The following NTM variants were observed in gnomAD, a reference collection of about 807,000 sequenced individuals.
NTM encodes the protein neurotrimin, also known as IgLON family member 2.
Under a neutral mutation model 42.1 loss-of-function variants are expected in NTM, and 13 were observed. The ratio of observed to expected loss-of-function variants is 0.31; its 90% confidence interval spans 0.20 to 0.49. The LOEUF is 0.49. Among genes scored for constraint, NTM ranks in the 20% least tolerant of loss-of-function variants. NTM has a pLI of 0.99. For synonymous variants in NTM, 187 were observed against 179.2 expected (o/e 1.04, Z -0.35); for missense variants, 373 against 452.8 (o/e 0.82, Z 1.60).
intron 1 of NTM, among the ~76,000 whole-genome samples, chr11:131,665,125 A>G (rs2068811669): frequency 2.0e-5 from 3 of 152,098 alleles, no homozygotes; most frequent in South Asian, 4.1e-4. Flanking sequence ...TTAAGAAGGG[A>G]TCTCCTCTCA....
intron 4 of NTM, among the ~76,000 whole-genome samples, chr11:132,246,769 G>A (rs1273700238): frequency 6.6e-6 from 1 of 152,068 alleles, no homozygotes; most frequent in African/African-American, 2.4e-5. Flanking sequence ...TTCGTATGTC[G>A]GCCGTCCTTT....
intron 1 of NTM, among the ~76,000 whole-genome samples, chr11:131,621,056 A>G (rs1238012081): frequency 5.3e-5 from 8 of 152,220 alleles, no homozygotes; most frequent in African/African-American, 1.9e-4. Context: ...CAGAAACCTG[A>G]ATGATGTAGC....
intron 1 of NTM, among the ~76,000 whole-genome samples, chr11:131,674,145 C>T (rs184514935): frequency 7.9e-5 from 12 of 152,338 alleles, no homozygotes; most frequent in African/African-American, 2.2e-4. Context: ...CGGGCGCCCT[C>T]GCGTGGCCAT....
intron 1 of NTM, among the ~76,000 whole-genome samples, chr11:131,772,984 A>C (rs898373872): frequency 2.0e-5 from 3 of 152,228 alleles, no homozygotes; most frequent in African/African-American, 7.2e-5. Context: ...ATCATCCACA[A>C]TATGTTTGTA....
At chr11:131,479,074 G>T (rs1244103962) in intron 1 of NTM, among the ~76,000 whole-genome samples, 1 of 152,148 alleles carries the variant, frequency 6.6e-6, no homozygotes, top group Non-Finnish European at 1.5e-5. Context: ...GAGCATTCTG[G>T]CCATGATGAC....
chr11:131,455,467 A>T (rs1317090062), intron 1 of NTM: 1 of 152,198 alleles, frequency 6.6e-6, no homozygotes, highest in Non-Finnish European at 1.5e-5. Context: ...TGAATCAGTA[A>T]GTTTTATCAT....
At chr11:131,631,632 C>T (rs1485173115) in intron 1 of NTM, among the ~76,000 whole-genome samples, 1 of 152,222 alleles carries the variant, frequency 6.6e-6, no homozygotes, top group Non-Finnish European at 1.5e-5. Flanking sequence ...TTTCCATTGG[C>T]ATTCACTTTC....
intron 3 of NTM, among the ~76,000 whole-genome samples, chr11:132,156,889 G>T (rs1347290899): frequency 6.6e-6 from 1 of 152,178 alleles, no homozygotes; most frequent in African/African-American, 2.4e-5. Context: ...AGGAAGATTT[G>T]ATAGGAACAC....
intron 2 of NTM, among the ~76,000 whole-genome samples, chr11:132,087,642 C>T (rs1188416484): frequency 6.6e-6 from 1 of 152,032 alleles, no homozygotes; most frequent in Non-Finnish European, 1.5e-5. Context: ...AAAAGGGTGT[C>T]CTGTGAATTG....
intron 2 of NTM, among the ~76,000 whole-genome samples, chr11:131,995,435 G>A (rs562473083): frequency 6.6e-6 from 1 of 152,202 alleles, no homozygotes; most frequent in South Asian, 2.1e-4. Flanking sequence ...TGTGCATCTG[G>A]TTTGGTCTGG....
At chr11:131,437,466 T>C (rs1949242096) in intron 1 of NTM, among the ~76,000 whole-genome samples, 1 of 152,226 alleles carries the variant, frequency 6.6e-6, no homozygotes, top group Non-Finnish European at 1.5e-5. Flanking sequence ...ATCTGAGTGC[T>C]CCTGTGTTGG....
At chr11:131,599,304 G>GATGCCCTGTCTACCCAGTCTCCGGCAC (rs2060251442) in intron 1 of NTM, among the ~76,000 whole-genome samples, 1 of 151,836 alleles carries the variant, frequency 6.6e-6, no homozygotes, top group African/African-American at 2.4e-5. Context: ...GTCTCCGGCA[G>GATGCCCTGTCTACCCAGTCTCCGGCAC]ATGCCCTGTC....
At chr11:132,153,546 C>A (rs987305608) in intron 3 of NTM, among the ~76,000 whole-genome samples, 1 of 152,178 alleles carries the variant, frequency 6.6e-6, no homozygotes, top group South Asian at 2.1e-4. Context: ...ATATCAAGAG[C>A]AGCTGACTTG....
chr11:131,486,874 CG>C (rs1475159334), intron 1 of NTM, among the ~76,000 whole-genome samples: 1 of 152,184 alleles, frequency 6.6e-6, no homozygotes, highest in Non-Finnish European at 1.5e-5. Flanking sequence ...AGACGAATAG[CG>C]GGATGCCAGC....
At chr11:131,974,459 T>G (rs992083572) in intron 2 of NTM, among the ~76,000 whole-genome samples, 5 of 152,244 alleles carry the variant, frequency 3.3e-5, no homozygotes, top group African/African-American at 1.2e-4. Context: ...ATTTGCATAT[T>G]TATAATCTAC....
At chr11:131,872,375 C>T (rs930634298) in intron 1 of NTM, among the ~76,000 whole-genome samples, 2 of 152,204 alleles carry the variant, frequency 1.3e-5, no homozygotes, top group African/African-American at 4.8e-5. Context: ...TCGTCGATTT[C>T]TCAGTGTCCT....
chr11:131,970,765 CCT>C (rs1447451393), intron 2 of NTM, among the ~76,000 whole-genome samples: 1 of 152,206 alleles, frequency 6.6e-6, no homozygotes, highest in East Asian at 1.9e-4. Flanking sequence ...TAATCACATT[CCT>C]CAGTTCATAG....
At chr11:131,937,318 T>C (rs2059329524) in intron 2 of NTM, among the ~76,000 whole-genome samples, 1 of 152,216 alleles carries the variant, frequency 6.6e-6, no homozygotes, top group Admixed American at 6.5e-5. Flanking sequence ...CTCTTAATGT[T>C]TGTTAATATT....
intron 2 of NTM, among the ~76,000 whole-genome samples, chr11:132,054,018 C>T (rs2135948333): frequency 6.6e-6 from 1 of 152,276 alleles, no homozygotes; most frequent in South Asian, 2.1e-4. Flanking sequence ...GAGTTCAAGA[C>T]CAGCCTGATC....
Sources: allele counts gnomAD v4.1 joint callset (sites outside exome capture counted in the v4.1 genomes callset), GRCh38; gene constraint gnomAD v4.1.1; transcripts MANE v1.5; gene names NCBI Gene and HGNC (gene_info 2026-07-23, HGNC 2026-07-21).